Variants in PCNX4 observed in about 807,000 individuals in gnomAD.
PCNX4 encodes the protein pecanex-like protein 4.
A neutral mutation model predicts 107.2 loss-of-function variants in PCNX4; 103 were observed. That is an observed-to-expected ratio of 0.96 (90% CI 0.82 to 1.13). The LOEUF (loss-of-function observed/expected upper bound fraction) is 1.13. PCNX4 is among the 50% of genes most tolerant of loss of function. PCNX4 has a pLI of 0.00. For missense variants in PCNX4, 1,528 were observed against 1,379.4 expected (o/e 1.11, Z -1.71); for synonymous variants, 541 against 481.7 (o/e 1.12, Z -1.61).
chr14:60,100,328 C>T (rs1468671687), intron 1 of PCNX4, among the ~76,000 whole-genome samples: 8 of 152,112 alleles, frequency 5.3e-5, no homozygotes, highest in Non-Finnish European at 1.0e-4. Flanking sequence ...GACGGAGTTT[C>T]ACTCTTGTCA....
rs1287473757 is a variant in PCNX4 at position 60,092,192 on chromosome 14, G to C, written c.-281G>C. ...CGACGAGGTCCCCGAACGCGCACGC[G>C]CTCCGTTCAGCTCCGGGTGGCGGCC... On this transcript the variant is annotated 5_prime_UTR_variant, in exon 1 of 11. Transcript: ENST00000406854. 1.3e-5 allele frequency: 2 copies of C among 152,276 alleles called. No individual in the cohort carries two copies. Among genetic ancestry groups the C allele is most frequent in the African/African-American group, 4.8e-5 (2 of 41,476 alleles). 9.4% of individuals were successfully genotyped at this position (152,276 alleles called of 1,614,324 possible). A position where few individuals can be genotyped will look rare whatever the true frequency, so the allele number is the denominator to read the frequency against.
At position 60,115,974 on chromosome 14, in the gene PCNX4, A is replaced by G. The variant is rs753896263; in HGVS notation, c.1492A>G (p.Thr498Ala). Reference sequence around the variant, plus strand: ...GAATACAGAAAATGCTTTATTGGAGACAGTCATTGTATCAACAGTACACTT... The same window carrying G: ...GAATACAGAAAATGCTTTATTGGAGGCAGTCATTGTATCAACAGTACACTT... ...WQNTENALLE[T>A]VIVSTVHLIS... is the part of the protein sequence containing the mutation. The change falls in exon 6 of 11, where the codon ACA becomes GCA. Residue 498 changes from threonine to alanine, a missense_variant. By Grantham distance (58) the Thr-to-Ala change is moderately conservative. Coordinates refer to ENST00000406854, the MANE Select transcript of PCNX4 (RefSeq NM_001330177.2). The G allele has an allele frequency of 1.9e-6, 3 of 1,612,188 alleles. No homozygotes were observed. The highest frequency in any genetic ancestry group is 2.5e-6 in the Non-Finnish European group (3 of 1,178,778).
intron 1 of PCNX4, among the ~76,000 whole-genome samples, chr14:60,105,883 C>T (rs535629273): frequency 6.6e-6 from 1 of 152,304 alleles, no homozygotes; most frequent in African/African-American, 2.4e-5. Flanking sequence ...TCAGGCACAT[C>T]CACATTCTTC....
chr14:60,094,995 T>G (rs1304444495), intron 1 of PCNX4, among the ~76,000 whole-genome samples: 1 of 152,048 alleles, frequency 6.6e-6, no homozygotes, highest in Non-Finnish European at 1.5e-5. Flanking sequence ...AAAAGAAAAG[T>G]TTTTCAACCC....
rs779920937 is a variant in PCNX4 at position 60,144,828 on chromosome 14, C to T, written c.*10607C>T. On this transcript the variant is annotated 3_prime_UTR_variant, in exon 11 of 11. Transcript: ENST00000406854. Reference sequence around the variant, plus strand: ...TTTATTATTTATTTTTTATTTCATTCCATGTTGGAAGCAAAGTCATATCTA... The same window carrying T: ...TTTATTATTTATTTTTTATTTCATTTCATGTTGGAAGCAAAGTCATATCTA... 6.9e-6 allele frequency: 5 copies of T among 729,622 alleles called. No homozygotes were observed. The highest frequency in any genetic ancestry group is 5.2e-5 in the South Asian group (3 of 57,800). The allele number at this position is 729,622 out of a possible 1,614,324, so 45.2% of individuals were successfully genotyped here.
intron 8 of PCNX4, among the ~76,000 whole-genome samples, chr14:60,122,685 C>T (rs1895978024): frequency 6.6e-6 from 1 of 152,110 alleles, no homozygotes; most frequent in South Asian, 2.1e-4. Flanking sequence ...ACCCATGTCC[C>T]TCACTTTATA....
chr14:60,101,976 A>G (rs1296813740), intron 1 of PCNX4, among the ~76,000 whole-genome samples: 1 of 152,228 alleles, frequency 6.6e-6, no homozygotes, highest in Non-Finnish European at 1.5e-5. Context: ...AGCCAGTCAC[A>G]TGAAGGACAA....
intron 2 of PCNX4, chr14:60,110,350 G>A (rs772487719): frequency 3.4e-4 from 57 of 167,124 alleles, no homozygotes; most frequent in Non-Finnish European, 2.9e-4. Flanking sequence ...CAACAAGTCA[G>A]CTAGCCTCTA....
rs1232135631 is a variant in PCNX4, at chr14:60,139,102, G to A, written c.*4881G>A. The A allele has an allele frequency of 1.3e-5, 2 of 152,028 alleles. No homozygotes were observed. The highest frequency in any genetic ancestry group is 2.9e-5 in the Non-Finnish European group (2 of 67,952). The allele number at this position is 152,028 out of a possible 1,614,324, so 9.4% of individuals were successfully genotyped here. On this transcript the variant is annotated 3_prime_UTR_variant, in exon 11 of 11. Transcript: ENST00000406854. ...AAATAGGACAAATAGAAATCAAACA[G>A]TAGATTAGGAGGTTTAAATATCAGT... is the stretch of plus-strand genomic sequence containing the variant.
Position 60,124,712 on chromosome 14 carries a change from A to G in PCNX4, c.2541A>G (p.Pro847=). 6.2e-7 allele frequency: 1 copy of G among 1,613,160 alleles called. No individual in the cohort carries two copies. The highest frequency in any genetic ancestry group is 8.5e-7 in the Non-Finnish European group (1 of 1,179,744). ...IEEKHQLKDL[P]GTNLFIPGSV... Reference sequence around the variant, plus strand: ...AAAAACATCAGTTGAAAGATTTGCCAGGTACAAATTTGTTTATTCCAGGAT... The same window carrying G: ...AAAAACATCAGTTGAAAGATTTGCCGGGTACAAATTTGTTTATTCCAGGAT... Residue 847 remains proline, a synonymous_variant, in exon 9 of 11, where the codon CCA becomes CCG. Coordinates refer to ENST00000406854, the MANE Select transcript of PCNX4 (RefSeq NM_001330177.2).
At chr14:60,097,821 CAT>C (rs1447477062) in intron 1 of PCNX4, among the ~76,000 whole-genome samples, 8 of 152,196 alleles carry the variant, frequency 5.3e-5, no homozygotes, top group Admixed American at 1.3e-4. Flanking sequence ...CTGACAGACT[CAT>C]GACCATTTCA....
Position 60,139,926 on chromosome 14 carries a change from G to A in PCNX4, c.*5705G>A, listed in dbSNP as rs1896287469. On this transcript the variant is annotated 3_prime_UTR_variant, in exon 11 of 11. Transcript: ENST00000406854. ...TAGACGCCTAAAGCCATGCTTAGAAGGAAATTTATAGTCTTAAACGCACAT... is the reference window on the plus strand; with the variant it reads ...TAGACGCCTAAAGCCATGCTTAGAAAGAAATTTATAGTCTTAAACGCACAT... 2.0e-5 allele frequency: 3 copies of A among 150,214 alleles called. No homozygotes were observed. The highest frequency in any genetic ancestry group is 1.3e-4 in the Admixed American group (2 of 15,124). The allele number at this position is 150,214 out of a possible 1,614,324, so 9.3% of individuals were successfully genotyped here.
At chr14:60,133,715 C>T (rs1235618335) in intron 10 of PCNX4, 6 of 613,738 alleles carry the variant, frequency 9.8e-6, no homozygotes, top group Non-Finnish European at 3.0e-6. Context: ...AGAGAAGTGA[C>T]TAAGATTTTG....
At position 60,115,161 on chromosome 14, in the gene PCNX4, T is replaced by G. The variant is rs557703966; in HGVS notation, c.1057T>G (p.Trp353Gly). The G allele has an allele frequency of 6.2e-7, 1 of 1,613,568 alleles. No individual in the cohort carries two copies. The highest frequency in any genetic ancestry group is 1.3e-5 in the African/African-American group (1 of 75,050). ...LPSGPEKHFSWKECLFYIIIL... is the reference protein window; with the variant it reads ...LPSGPEKHFSGKECLFYIIIL... ...CAGTGGTCCGGAAAAACATTTTTCA[T>G]GGAAGGAATGCCTTTTCTACATCAT... The change falls in exon 4 of 11, where the codon TGG becomes GGG. Residue 353 changes from tryptophan to glycine, a missense_variant. By Grantham distance (184) the Trp-to-Gly change is radical. Coordinates refer to ENST00000406854, the MANE Select transcript of PCNX4 (RefSeq NM_001330177.2).
chr14:60,109,100 C>T (rs191048885), intron 2 of PCNX4: 1 of 167,074 alleles, frequency 6.0e-6, no homozygotes, highest in Non-Finnish European at 1.5e-5. Context: ...GACTAGTCCC[C>T]TTATGAGAAG....
chr14:60,134,048 G>A lies in PCNX4; in HGVS notation c.3346G>A (p.Gly1116Ser), dbSNP rs1168464148. Residue 1116 changes from glycine to serine, a missense_variant, in exon 11 of 11, where the codon GGT becomes AGT. Physicochemically the swap from Gly to Ser is moderately conservative, Grantham distance 56. Coordinates refer to ENST00000406854, the MANE Select transcript of PCNX4 (RefSeq NM_001330177.2). ...VGKLNPEAVR[G>S]QWANLSWELL... ...AAAGTTAAATCCTGAAGCTGTTAGA[G>A]GTCAGTGGGCCAATCTTTCATGGGA... 2.5e-6 allele frequency: 4 copies of A among 1,613,678 alleles called. No homozygotes were observed. The African/African-American group carries it at 4.0e-5, about 16-fold the overall frequency.
At chr14:60,123,470 G>A (rs989821291) in intron 8 of PCNX4, among the ~76,000 whole-genome samples, 1 of 151,616 alleles carries the variant, frequency 6.6e-6, no homozygotes, top group Non-Finnish European at 1.5e-5. Context: ...AAGTTCTGAA[G>A]GCACTGACAC....
intron 6 of PCNX4, among the ~76,000 whole-genome samples, chr14:60,117,385 A>C (rs1408196272): frequency 6.6e-6 from 1 of 152,218 alleles, no homozygotes; most frequent in Non-Finnish European, 1.5e-5. Context: ...GAGTACTGTA[A>C]CATTCAGTAC....
At position 60,115,374 on chromosome 14, in the gene PCNX4, A is replaced by G; in HGVS notation, c.1270A>G (p.Lys424Glu). 1 of 1,597,430 alleles carries G rather than the reference A, an allele frequency of 6.3e-7. No individual in the cohort carries two copies. The highest frequency in any genetic ancestry group is 8.5e-7 in the Non-Finnish European group (1 of 1,172,054). The change falls in exon 4 of 11, where the codon AAG becomes GAG. Residue 424 changes from lysine (K) to glutamate (E), a missense_variant. Physicochemically the swap from Lys to Glu is moderately conservative, Grantham distance 56 (BLOSUM62 1). Coordinates refer to ENST00000406854, the MANE Select transcript of PCNX4 (RefSeq NM_001330177.2). ...AATTTTCCGAAATCCCTTTTATCCGAAGGATGTGCAAACTGTGACTGTATT... is the reference window on the plus strand; with the variant it reads ...AATTTTCCGAAATCCCTTTTATCCGGAGGATGTGCAAACTGTGACTGTATT... ...IGIFRNPFYP[K>E]DVQTVTVFFE...
Sources: gnomAD v4.1 joint callset for allele counts (sites outside exome capture counted in the v4.1 genomes callset) on GRCh38, gnomAD v4.1.1 for gene constraint, MANE v1.5 for transcripts, NCBI Gene and HGNC (gene_info 2026-07-23, HGNC 2026-07-21) for gene names.